LDHB: variants seen among roughly 807,000 people sequenced by gnomAD.
LDHB encodes the protein L-lactate dehydrogenase B chain.
A neutral mutation model predicts 33.4 loss-of-function variants in LDHB; 18 were observed. That is an observed-to-expected ratio of 0.54 (90% confidence interval 0.37 to 0.80). The LOEUF (loss-of-function observed/expected upper bound fraction) is 0.80, where lower values mean the gene tolerates loss of function less well. LDHB is among the 30% of genes least tolerant of loss of function. The probability of loss-of-function intolerance (pLI) is 0.00; values close to 1 mark genes in which losing one functional copy is unlikely to be tolerated. For synonymous variants in LDHB, 121 were observed against 140.6 expected (o/e 0.86, Z 0.98); for missense variants, 345 against 407.9 (o/e 0.85, Z 1.33).
intron 2 of LDHB, among the ~76,000 whole-genome samples, chr12:21,651,870 A>C (rs1421561528): frequency 6.6e-6 from 1 of 152,216 alleles, no homozygotes; most frequent in African/African-American, 2.4e-5. Context: ...TTTTTTCAAA[A>C]ATATTCATTA....
chr12:21,640,348 TAAAA>T (rs3061666), intron 5 of LDHB, among the ~76,000 whole-genome samples: 1 of 151,476 alleles, frequency 6.6e-6, no homozygotes, highest in Non-Finnish European at 1.5e-5. Context: ...CACGAAGCAC[TAAAA>T]AAAAGTGTAA....
At chr12:21,638,941 G>A (rs144488529) in intron 5 of LDHB, among the ~76,000 whole-genome samples, 1 of 151,856 alleles carries the variant, frequency 6.6e-6, no homozygotes, top group Non-Finnish European at 1.5e-5. Flanking sequence ...ATAAATAAGG[G>A]TCTACTTAAT....
chr12:21,653,512 A>G (rs559451344), intron 2 of LDHB, among the ~76,000 whole-genome samples: 151 of 152,292 alleles, frequency 9.9e-4, no homozygotes, highest in African/African-American at 3.5e-3. Context: ...ACATGTAAGT[A>G]AAGGGCATAA....
intron 6 of LDHB, among the ~76,000 whole-genome samples, chr12:21,638,142 T>C (rs1397516388): frequency 1.3e-5 from 2 of 152,024 alleles, no homozygotes; most frequent in Non-Finnish European, 2.9e-5. Flanking sequence ...ACCTCTACAA[T>C]AGAGTTTCTC....
At chr12:21,638,292 T>C (rs202021072) in intron 6 of LDHB, 61 bp downstream of exon 6, 8 of 914,114 alleles carry the variant, frequency 8.8e-6, no homozygotes, top group Admixed American at 1.7e-5. Context: ...GGAAAATGTT[T>C]ATAATTTTAT....
chr12:21,652,921 A>G (rs986789150), intron 2 of LDHB, among the ~76,000 whole-genome samples: 1 of 150,556 alleles, frequency 6.6e-6, no homozygotes, highest in Non-Finnish European at 1.5e-5. Flanking sequence ...TTGCTGCTTT[A>G]GAATTTAAAT....
At chr12:21,655,356 G>C (rs1009811175) in intron 1 of LDHB, among the ~76,000 whole-genome samples, 5 of 152,046 alleles carry the variant, frequency 3.3e-5, no homozygotes, top group Non-Finnish European at 5.9e-5. Flanking sequence ...ACTAAGTTTG[G>C]GTCTAGTATT....
intron 3 of LDHB, among the ~76,000 whole-genome samples, chr12:21,645,238 G>C (rs1011258556): frequency 8.3e-5 from 1 of 12,116 alleles, no homozygotes; most frequent in Non-Finnish European, 2.0e-3. Context: ...GTACACTATG[G>C]AAGGCCGCAG....
intron 3 of LDHB, 89 bp downstream of exon 3, chr12:21,646,810 T>C: frequency 1.3e-6 from 1 of 795,538 alleles, no homozygotes. Context: ...TACTTACAAA[T>C]AAATCTATTA....
chr12:21,635,800 G>T, intron 7 of LDHB, 91 bp from the exon 8 acceptor site: 2 of 1,194,652 alleles, frequency 1.7e-6, no homozygotes, highest in Non-Finnish European at 2.4e-6. Flanking sequence ...GACTGTTTGA[G>T]CCCAGGAGTT....
intron 4 of LDHB, among the ~76,000 whole-genome samples, chr12:21,643,350 G>C (rs1328874926): frequency 6.6e-6 from 1 of 152,192 alleles, no homozygotes; most frequent in Non-Finnish European, 1.5e-5. Flanking sequence ...AGCTGTTAAG[G>C]CTAAAAAAGT....
chr12:21,639,385 T>C (rs1269968564), intron 5 of LDHB, among the ~76,000 whole-genome samples: 1 of 151,988 alleles, frequency 6.6e-6, no homozygotes, highest in East Asian at 1.9e-4. Flanking sequence ...GTGGTAGCTA[T>C]GGCATTAACT....
In LDHB at chr12:21,636,639, G is replaced by A. The variant is rs998614774; in HGVS notation, c.837+432C>T. Among the ~76,000 whole-genome samples, 4 of 152,094 alleles carry A rather than the reference G, an allele frequency of 2.6e-5. No homozygotes were observed. In the South Asian group the frequency reaches 8.3e-4, roughly 32 times the overall value. ...AATATTTTAATATAATTTTAGTTTT[G>A]TTTAAAAAATCATTAATTTCTACCT... is the stretch of plus-strand genomic sequence containing the variant. On this transcript the variant is annotated intron_variant, in intron 7 of 7. Coordinates refer to ENST00000350669, the MANE Select transcript of LDHB (RefSeq NM_002300.8).
rs1938192419 is a variant in LDHB, at chr12:21,635,553, T to C, written c.994A>G (p.Lys332Glu). Residue 332 changes from lysine (K) to glutamate (E), a missense_variant, in exon 8 of 8, where the codon AAA (lysine) becomes GAA (glutamate). Transcript: ENST00000350669. Reference protein sequence around the residue: ...DTLWDIQKDLKDL With the variant: ...DTLWDIQKDLEDL Reference sequence around the variant, plus strand: ...CTAGAGCTCACTAGTCACAGGTCTTTTAGGTCCTTCTGGATGTCCCACAGG... The same window carrying C: ...CTAGAGCTCACTAGTCACAGGTCTTCTAGGTCCTTCTGGATGTCCCACAGG... 6.2e-7 allele frequency: 1 copy of C among 1,611,892 alleles called. No individual in the cohort carries two copies. Among genetic ancestry groups the C allele is most frequent in the African/African-American group, 1.3e-5 (1 of 74,862 alleles).
chr12:21,656,991 A>G (rs955974589), intron 1 of LDHB: 48 of 140,226 alleles, frequency 3.4e-4, no homozygotes, highest in African/African-American at 1.2e-3. Context: ...CCCTTACTGC[A>G]GCTTGTACTG....
At chr12:21,638,235 C>T in intron 6 of LDHB, 118 bp downstream of exon 6, 3 of 705,168 alleles carry the variant, frequency 4.3e-6, no homozygotes, top group Non-Finnish European at 7.7e-6. Context: ...CAAAAGATAA[C>T]AGCTGCATAA....
intron 3 of LDHB, among the ~76,000 whole-genome samples, chr12:21,644,424 C>CAAAAAAAAAAAAACAAAAAAAA (rs1591830643): frequency 3.3e-4 from 5 of 15,270 alleles, no homozygotes; most frequent in East Asian, 2.6e-3. Flanking sequence ...AGGTAGACAT[C>CAAAAAAAAAAAAACAAAAAAAA]AAAAAAAAAA....
chr12:21,646,662 T>C (rs1938534962), intron 3 of LDHB, among the ~76,000 whole-genome samples: 1 of 152,214 alleles, frequency 6.6e-6, no homozygotes, highest in Non-Finnish European at 1.5e-5. Flanking sequence ...AAGTAAGAGC[T>C]TTTTATAAAA....
At chr12:21,643,886 C>T in intron 4 of LDHB, 49 bp downstream of exon 4, 3 of 1,413,234 alleles carry the variant, frequency 2.1e-6, no homozygotes, top group Non-Finnish European at 1.0e-6. Flanking sequence ...AACAGAAACA[C>T]CAAAACACTG....
Sources: gnomAD v4.1 joint callset for allele counts (sites outside exome capture counted in the v4.1 genomes callset) on GRCh38, gnomAD v4.1.1 for gene constraint, MANE v1.5 for transcripts, NCBI Gene and HGNC (gene_info 2026-07-23, HGNC 2026-07-21) for gene names.